The following MMP16 variants were observed in gnomAD, a reference collection of about 807,000 sequenced individuals.
MMP16 encodes the protein matrix metallopeptidase 16, also known as matrix metalloproteinase-16.
A neutral mutation model predicts 67.8 loss-of-function variants in MMP16; 12 were observed. The ratio of observed to expected loss-of-function variants is 0.18; its 90% CI spans 0.11 to 0.29. MMP16 has a LOEUF of 0.29. Among genes scored for constraint, MMP16 ranks in the 10% least tolerant of loss-of-function variants. The probability of loss-of-function intolerance (pLI) is 1.00; values close to 1 mark genes in which losing one functional copy is unlikely to be tolerated. For missense variants in MMP16, 475 were observed against 765.7 expected, an observed-to-expected ratio of 0.62 and a Z score of 4.48; for synonymous variants, 249 against 255.9, an observed-to-expected ratio of 0.97 and a Z score of 0.26.
Position 88,177,318 on chromosome 8 carries a change from C to T in MMP16, c.404+9158G>A, listed in dbSNP as rs139513399. On this transcript the variant is annotated intron_variant, in intron 3 of 9. Transcript: ENST00000286614. Reference sequence around the variant, plus strand: ...ACTTCAAACCTCACAAGAAATAAAACGGAATAAATTGAAATAACTCTTCTT... The same window carrying T: ...ACTTCAAACCTCACAAGAAATAAAATGGAATAAATTGAAATAACTCTTCTT... 7.4e-4 allele frequency among the ~76,000 whole-genome samples: 112 copies of T among 152,218 alleles called. 1 individual carries two copies. Among genetic ancestry groups the T allele is most frequent in the African/African-American group, 2.4e-3 (101 of 41,528 alleles).
chr8:88,262,612 T>C (rs1357038657), intron 1 of MMP16, among the ~76,000 whole-genome samples: 1 of 152,150 alleles, frequency 6.6e-6, no homozygotes, highest in Non-Finnish European at 1.5e-5. Flanking sequence ...GTCTCTTTTC[T>C]AGATTTCTGT....
At chr8:88,048,044 G>C (rs1305907274) in intron 8 of MMP16, among the ~76,000 whole-genome samples, 1 of 152,186 alleles carries the variant, frequency 6.6e-6, no homozygotes, top group East Asian at 1.9e-4. Context: ...AGAATTTTAA[G>C]CCCGATTATC....
At chr8:88,110,189 GTGAC>G (rs1266969948) in intron 6 of MMP16, among the ~76,000 whole-genome samples, 1 of 151,140 alleles carries the variant, frequency 6.6e-6, no homozygotes, top group African/African-American at 2.4e-5. Flanking sequence ...CAAAAACAAA[GTGAC>G]TGAGAAGAAA....
chr8:88,239,461 T>G (rs1312454768), intron 1 of MMP16, among the ~76,000 whole-genome samples: 1 of 152,102 alleles, frequency 6.6e-6, no homozygotes, highest in East Asian at 1.9e-4. Flanking sequence ...TGAGGTACAT[T>G]GCTAAAAATG....
At chr8:88,189,767 T>C (rs1809136594) in intron 2 of MMP16, among the ~76,000 whole-genome samples, 1 of 152,146 alleles carries the variant, frequency 6.6e-6, no homozygotes, top group Admixed American at 6.6e-5. Flanking sequence ...ACCCTGAGAA[T>C]CCTAATTATT....
At chr8:88,319,648 C>T (rs888256679) in intron 1 of MMP16, among the ~76,000 whole-genome samples, 1 of 152,104 alleles carries the variant, frequency 6.6e-6, no homozygotes, top group African/African-American at 2.4e-5. Flanking sequence ...GGTCTGACTC[C>T]ATCAGCCGCA....
At chr8:88,101,023 C>T (rs60504591) in intron 6 of MMP16, among the ~76,000 whole-genome samples, 27,377 of 150,850 alleles carry the variant, frequency 0.18, 2,905 homozygotes, top group Middle Eastern at 0.26. Flanking sequence ...ATATACCTAA[C>T]GATGACAAGT....
At chr8:88,094,856 T>G (rs891468647) in intron 6 of MMP16, among the ~76,000 whole-genome samples, 6 of 151,894 alleles carry the variant, frequency 4.0e-5, no homozygotes, top group African/African-American at 1.2e-4. Context: ...GTAAAGCCTG[T>G]CTATATGCCA....
intron 1 of MMP16, among the ~76,000 whole-genome samples, chr8:88,210,187 G>T (rs1368292727): frequency 6.6e-6 from 1 of 152,208 alleles, no homozygotes; most frequent in South Asian, 2.1e-4. Context: ...CTTTTTTATA[G>T]CAGCCTGAAT....
chr8:88,152,369 C>T (rs1430017937), intron 4 of MMP16, among the ~76,000 whole-genome samples: 1 of 125,880 alleles, frequency 7.9e-6, no homozygotes, highest in African/African-American at 3.2e-5. Context: ...TTTTATGAGG[C>T]CAGCATCATT....
In MMP16 at chr8:88,327,414, T is replaced by C. The variant is rs1586022747; in HGVS notation, c.-208A>G. 1 of 548,070 alleles carries C rather than the reference T, an allele frequency of 1.8e-6. No homozygotes were observed. 34.0% of individuals were successfully genotyped at this position (548,070 alleles called of 1,614,324 possible). ...GCGGCGAAGACAGGGTCAGCAGTAGTTCCTGTTCACCATCCTCCGGGGTCA... is the reference window on the plus strand; with the variant it reads ...GCGGCGAAGACAGGGTCAGCAGTAGCTCCTGTTCACCATCCTCCGGGGTCA... On this transcript the variant is annotated 5_prime_UTR_variant, in exon 1 of 10. Coordinates refer to ENST00000286614, the MANE Select transcript of MMP16 (RefSeq NM_005941.5).
intron 6 of MMP16, among the ~76,000 whole-genome samples, chr8:88,077,727 T>A (rs1402463711): frequency 1.3e-5 from 2 of 152,206 alleles, no homozygotes; most frequent in Non-Finnish European, 2.9e-5. Context: ...GACACTGTTT[T>A]AAAATTACAT....
intron 1 of MMP16, among the ~76,000 whole-genome samples, chr8:88,277,095 T>C (rs976997033): frequency 6.6e-6 from 1 of 152,146 alleles, no homozygotes; most frequent in East Asian, 1.9e-4. Context: ...AATAAATCTT[T>C]TAGTGAAAAT....
intron 1 of MMP16, among the ~76,000 whole-genome samples, chr8:88,278,148 T>G (rs1304040032): frequency 6.6e-6 from 1 of 152,196 alleles, no homozygotes; most frequent in East Asian, 1.9e-4. Flanking sequence ...GGTCTCTTAC[T>G]TTATAAACCA....
chr8:88,264,315 T>C (rs921596790), intron 1 of MMP16, among the ~76,000 whole-genome samples: 6 of 152,110 alleles, frequency 3.9e-5, no homozygotes, highest in Admixed American at 1.3e-4. Context: ...TCCTTCTGCC[T>C]CAGCCTCCCA....
chr8:88,227,451 A>G (rs1028718435), intron 1 of MMP16, among the ~76,000 whole-genome samples: 1 of 152,108 alleles, frequency 6.6e-6, no homozygotes, highest in Non-Finnish European at 1.5e-5. Context: ...TATTACAAAT[A>G]TAAGAAATTT....
rs1180434621 is a variant in MMP16 at position 88,118,812 on chromosome 8, T to C, written c.759A>G (p.Gly253=). 1 of 1,613,264 alleles carries C rather than the reference T, an allele frequency of 6.2e-7. No homozygotes were observed. The highest frequency in any genetic ancestry group is 2.2e-5 in the East Asian group (1 of 44,762). Residue 253 remains glycine, a synonymous_variant, in exon 5 of 10, where the codon GGA becomes GGG. Transcript: ENST00000286614. ...CAGTGGGGTCATTGGAATGCTCCAATCCCAGAGCATGTCCCAGTTCATGGA... is the reference window on the plus strand; with the variant it reads ...CAGTGGGGTCATTGGAATGCTCCAACCCCAGAGCATGTCCCAGTTCATGGA... The part of the protein sequence containing the change: ...VAVHELGHAL[G]LEHSNDPTAI...
chr8:88,184,051 T>A (rs1383004452), intron 3 of MMP16, among the ~76,000 whole-genome samples: 4 of 152,078 alleles, frequency 2.6e-5, no homozygotes, highest in Non-Finnish European at 5.9e-5. Context: ...CGGCCCAAAA[T>A]GTAGTTCTTT....
intron 8 of MMP16, among the ~76,000 whole-genome samples, chr8:88,047,055 A>T (rs982454521): frequency 6.6e-6 from 1 of 151,930 alleles, no homozygotes; most frequent in Non-Finnish European, 1.5e-5. Context: ...CTGTGTTAAA[A>T]ATAAGTTCTT....
Sources: allele counts gnomAD v4.1 joint callset (sites outside exome capture counted in the v4.1 genomes callset), GRCh38; gene constraint gnomAD v4.1.1; transcripts MANE v1.5; gene names NCBI Gene and HGNC (gene_info 2026-07-23, HGNC 2026-07-21).